Variants in NTN1 observed in about 807,000 individuals in gnomAD.
The protein encoded by NTN1 is netrin-1.
NTN1 carries 11 observed loss-of-function variants against 54.2 expected under a neutral mutation model. The observed-to-expected ratio is 0.20, with a 90% CI of 0.13 to 0.34. NTN1 has a LOEUF of 0.34. Among genes scored for constraint, NTN1 ranks in the 10% least tolerant of loss-of-function variants. The probability of loss-of-function intolerance (pLI) is 1.00; values close to 1 mark genes in which losing one functional copy is unlikely to be tolerated. For synonymous variants in NTN1, 371 were observed against 382.0 expected, an observed-to-expected ratio of 0.97 and a Z score of 0.33; for missense variants, 740 against 893.1, an observed-to-expected ratio of 0.83 and a Z score of 2.18.
rs887864944 is a variant in NTN1 at position 9,240,621 on chromosome 17, C to T, written c.*653C>T. On this transcript the variant is annotated 3_prime_UTR_variant, in exon 7 of 7. Transcript: ENST00000173229. ...TGTCCAGCCAGCATGCCCCAGGCGGCCTCTGTCTCCACTGCTACCTGCTGA... is the reference window on the plus strand; with the variant it reads ...TGTCCAGCCAGCATGCCCCAGGCGGTCTCTGTCTCCACTGCTACCTGCTGA... 1.3e-5 allele frequency: 2 copies of T among 152,778 alleles called. No individual in the cohort carries two copies. The highest frequency in any genetic ancestry group is 2.4e-5 in the African/African-American group (1 of 41,592). The allele number at this position is 152,778 out of a possible 1,614,324, so 9.5% of individuals were successfully genotyped here. A position where few individuals can be genotyped will look rare whatever the true frequency, so the allele number is the denominator to read the frequency against.
chr17:9,047,715 A>G (rs928583962), intron 2 of NTN1, among the ~76,000 whole-genome samples: 6 of 142,856 alleles, frequency 4.2e-5, no homozygotes, highest in African/African-American at 1.0e-4. Context: ...TTTTTTTGAG[A>G]TGGAGTTTCA....
intron 2 of NTN1, among the ~76,000 whole-genome samples, chr17:9,043,598 T>C (rs2091930331): frequency 6.6e-6 from 1 of 151,432 alleles, no homozygotes; most frequent in Non-Finnish European, 1.5e-5. Context: ...TTGGTTGAGA[T>C]GGAGTTTCCC....
chr17:9,228,561 C>CA (rs897834644), intron 6 of NTN1, among the ~76,000 whole-genome samples: 1 of 152,180 alleles, frequency 6.6e-6, no homozygotes, highest in Admixed American at 6.5e-5. Context: ...GAGGGGGAGA[C>CA]AGAGAGCTCA....
intron 2 of NTN1, among the ~76,000 whole-genome samples, chr17:9,139,105 G>A (rs139753553): frequency 2.0e-5 from 3 of 152,270 alleles, no homozygotes; most frequent in Non-Finnish European, 4.4e-5. Flanking sequence ...CAAGGCCCAA[G>A]CATAGTCTTT....
upstream of NTN1, among the ~76,000 whole-genome samples, chr17:9,017,748 A>T (rs374943611): frequency 6.6e-6 from 1 of 152,118 alleles, no homozygotes; most frequent in Non-Finnish European, 1.5e-5. Context: ...AGAGCCTGAC[A>T]TGCCTTCACG....
Position 9,234,964 on chromosome 17 carries a change from G to GTTTTT in NTN1, c.1487-4665_1487-4661dup, listed in dbSNP as rs10650921. On this transcript the variant is annotated intron_variant, in intron 6 of 6. Transcript: ENST00000173229. ...TTTTTTGTCTGTTTTTTGTTTTTTG[G>GTTTTT]TTTTTTTTTTTTTTTGAGATGGAGT... Among the ~76,000 whole-genome samples, 450 of 130,066 alleles carry GTTTTT rather than the reference G, an allele frequency of 3.5e-3. 7 individuals are homozygous for GTTTTT. Among genetic ancestry groups the GTTTTT allele is most frequent in the Admixed American group, 7.9e-3 (96 of 12,218 alleles). 85.3% of individuals were successfully genotyped at this position (130,066 alleles called of 152,430 possible). A position where few individuals can be genotyped will look rare whatever the true frequency, so the allele number is the denominator to read the frequency against.
At chr17:9,007,026 C>G in the NTN1 span, among the ~76,000 whole-genome samples, 1 of 152,262 alleles carries the variant, frequency 6.6e-6, no homozygotes, top group Non-Finnish European at 1.5e-5. Context: ...CGGGGCCTGA[C>G]AGTAAGTGCT....
chr17:9,012,538 A>AAC, the NTN1 span, among the ~76,000 whole-genome samples: 13 of 133,218 alleles, frequency 9.8e-5, no homozygotes, highest in Middle Eastern at 3.7e-3. Context: ...AAACAAAACA[A>AAC]AAAAAAAAAA....
At chr17:9,091,056 A>G (rs1044746324) in intron 2 of NTN1, among the ~76,000 whole-genome samples, 2 of 152,182 alleles carry the variant, frequency 1.3e-5, no homozygotes, top group African/African-American at 4.8e-5. Context: ...GCCAAGTGCA[A>G]GGTTTCTGGA....
At chr17:9,183,132 C>T in intron 5 of NTN1, 163 bp downstream of exon 5, 2 of 720,728 alleles carry the variant, frequency 2.8e-6, no homozygotes, top group East Asian at 5.3e-5. Context: ...GAAGCTGGAG[C>T]TATAGGACAC....
chr17:9,226,162 C>G (rs77373604), intron 6 of NTN1, among the ~76,000 whole-genome samples: 50,993 of 107,286 alleles, frequency 0.48, 11,151 homozygotes, highest in East Asian at 0.59. Context: ...GATTTGGGGT[C>G]GGGGGGGGGC....
intron 2 of NTN1, among the ~76,000 whole-genome samples, chr17:9,104,490 G>T (rs1194902444): frequency 6.6e-6 from 1 of 152,156 alleles, no homozygotes; most frequent in Non-Finnish European, 1.5e-5. Context: ...TGTGCTTCGG[G>T]GCCTGGGAAG....
intron 2 of NTN1, among the ~76,000 whole-genome samples, chr17:9,091,388 G>T (rs2092109899): frequency 6.6e-6 from 1 of 151,486 alleles, no homozygotes; most frequent in Non-Finnish European, 1.5e-5. Context: ...CCCAGTAGCT[G>T]GAACTACAGG....
At chr17:9,139,850 A>C (rs996357592) in intron 2 of NTN1, among the ~76,000 whole-genome samples, 1 of 152,066 alleles carries the variant, frequency 6.6e-6, no homozygotes, top group Non-Finnish European at 1.5e-5. Flanking sequence ...CCATCCATTC[A>C]TTCAGCCATC....
chr17:9,171,831 A>C (rs1224050027), intron 3 of NTN1: 1 of 151,030 alleles, frequency 6.6e-6, no homozygotes, highest in African/African-American at 2.4e-5. Flanking sequence ...CCATTCTCAG[A>C]GCACTGGAAG....
At chr17:9,023,983 G>A (rs960250951) in intron 2 of NTN1, among the ~76,000 whole-genome samples, 3 of 152,268 alleles carry the variant, frequency 2.0e-5, no homozygotes, top group African/African-American at 7.2e-5. Context: ...AAAGAAGAAT[G>A]ATGTGATTTC....
In NTN1 at chr17:9,187,957, C is replaced by T. The variant is rs188292457; in HGVS notation, c.1411+4988C>T. 3.8e-3 allele frequency among the ~76,000 whole-genome samples: 584 copies of T among 152,298 alleles called. 3 individuals are homozygous for T. Among genetic ancestry groups the T allele is most frequent in the Non-Finnish European group, 6.7e-3 (454 of 68,030 alleles). On this transcript the variant is annotated intron_variant, in intron 5 of 6. Coordinates refer to ENST00000173229, the MANE Select transcript of NTN1 (RefSeq NM_004822.3). Reference sequence around the variant, plus strand: ...TATGATTCCATTTATCTGAAATGTCCGGCAAAAGCAAATCCAGAGACAGAA... The same window carrying T: ...TATGATTCCATTTATCTGAAATGTCTGGCAAAAGCAAATCCAGAGACAGAA...
At chr17:9,197,881 A>T (rs909137881) in intron 5 of NTN1, among the ~76,000 whole-genome samples, 1 of 152,102 alleles carries the variant, frequency 6.6e-6, no homozygotes, top group African/African-American at 2.4e-5. Flanking sequence ...GCATCTAAAA[A>T]TCTTCCCATG....
chr17:9,079,617 A>G (rs1473931454), intron 2 of NTN1, among the ~76,000 whole-genome samples: 4 of 152,152 alleles, frequency 2.6e-5, no homozygotes, highest in Non-Finnish European at 5.9e-5. Flanking sequence ...CTGGCCTCCC[A>G]GGAAGTGGTT....
Sources: gnomAD v4.1 joint callset for allele counts (sites outside exome capture counted in the v4.1 genomes callset) on GRCh38, gnomAD v4.1.1 for gene constraint, MANE v1.5 for transcripts, NCBI Gene and HGNC (gene_info 2026-07-23, HGNC 2026-07-21) for gene names.